PLEKHA5: variants seen among roughly 807,000 people sequenced by gnomAD.
PLEKHA5 encodes the protein pleckstrin homology domain containing A5, also known as pleckstrin homology domain-containing family A member 5.
A neutral mutation model predicts 181.9 loss-of-function variants in PLEKHA5; 55 were observed. The ratio of observed to expected loss-of-function variants is 0.30; its 90% CI spans 0.24 to 0.38. The LOEUF is 0.38. Ranked by LOEUF, PLEKHA5 falls within the 10% of genes least tolerant of loss-of-function variation. The pLI, the probability that PLEKHA5 is intolerant of heterozygous loss-of-function variation, is 1.00. For synonymous variants in PLEKHA5, 535 were observed against 529.4 expected, an observed-to-expected ratio of 1.01 and a Z score of -0.15; for missense variants, 1,432 against 1,549.5, an observed-to-expected ratio of 0.92 and a Z score of 1.27.
chr12:19,181,272 G>A (rs1038784425), intron 3 of PLEKHA5, among the ~76,000 whole-genome samples: 1 of 152,094 alleles, frequency 6.6e-6, no homozygotes, highest in African/African-American at 2.4e-5. Flanking sequence ...ATTATTAAAG[G>A]AAAATAATGT....
Position 19,309,519 on chromosome 12 carries a change from G to GCC in PLEKHA5, c.2038-5294_2038-5293dup, listed in dbSNP as rs1024143334. On this transcript the variant is annotated intron_variant, in intron 15 of 31. Transcript: ENST00000429027. ...ACCTGTAATCCCAACACTTTGGGAG[G>GCC]CCGAGGCGGGCGGATCCCCTGAGGT... Among the ~76,000 whole-genome samples, 20 of 152,056 alleles carry GCC rather than the reference G, an allele frequency of 1.3e-4. 1 individual carries two copies. Among genetic ancestry groups the GCC allele is most frequent in the African/African-American group, 4.1e-4 (17 of 41,394 alleles).
At chr12:19,163,085 C>T (rs1362985394) in intron 3 of PLEKHA5, among the ~76,000 whole-genome samples, 3 of 152,012 alleles carry the variant, frequency 2.0e-5, no homozygotes, top group African/African-American at 7.3e-5. Flanking sequence ...TAAATTGTCC[C>T]TTCTCCCTTT....
intron 15 of PLEKHA5, among the ~76,000 whole-genome samples, chr12:19,293,722 C>T (rs1365120831): frequency 6.6e-6 from 1 of 152,110 alleles, no homozygotes; most frequent in Non-Finnish European, 1.5e-5. Context: ...CATAGAACTT[C>T]AGAAAATTTT....
chr12:19,140,016 T>C lies in PLEKHA5; in HGVS notation c.227+7566T>C, dbSNP rs58504278. Among the ~76,000 whole-genome samples, 3 of 152,312 alleles carry C rather than the reference T, an allele frequency of 2.0e-5. No individual in the cohort carries two copies. The East Asian group carries it at 5.8e-4, about 29-fold the overall frequency. On this transcript the variant is annotated intron_variant, in intron 3 of 31. Coordinates refer to ENST00000429027, the MANE Select transcript of PLEKHA5 (RefSeq NM_001256470.2). ...CAACTGATTTTAATGATTATCTCAGTCCCAGTGGCAAGGTCTTCCAATTAG... is the reference window on the plus strand; with the variant it reads ...CAACTGATTTTAATGATTATCTCAGCCCCAGTGGCAAGGTCTTCCAATTAG...
intron 3 of PLEKHA5, among the ~76,000 whole-genome samples, chr12:19,157,025 G>A (rs981966893): frequency 3.3e-5 from 5 of 151,050 alleles, no homozygotes; most frequent in African/African-American, 9.7e-5. Flanking sequence ...CCACTGCACC[G>A]TAGCCTGGTG....
At chr12:19,154,285 A>C (rs1197357393) in intron 3 of PLEKHA5, 2 of 152,052 alleles carry the variant, frequency 1.3e-5, no homozygotes, top group Admixed American at 1.3e-4. Context: ...TATATAATGA[A>C]TCTTTTTCCA....
intron 20 of PLEKHA5, among the ~76,000 whole-genome samples, chr12:19,326,502 G>T (rs775533694): frequency 2.6e-5 from 4 of 152,084 alleles, no homozygotes; most frequent in Non-Finnish European, 5.9e-5. Context: ...TCCTCACCTG[G>T]TAGGCCACAA....
intron 3 of PLEKHA5, among the ~76,000 whole-genome samples, chr12:19,217,036 A>T (rs1039320379): frequency 6.6e-6 from 1 of 152,218 alleles, no homozygotes; most frequent in Non-Finnish European, 1.5e-5. Flanking sequence ...TATTGTCTAA[A>T]TTAAGTAAAT....
At chr12:19,133,813 T>C (rs995960408) in intron 3 of PLEKHA5, among the ~76,000 whole-genome samples, 1 of 151,954 alleles carries the variant, frequency 6.6e-6, no homozygotes, top group African/African-American at 2.4e-5. Flanking sequence ...TTAGATGGCC[T>C]AAAAAAATAC....
At chr12:19,180,357 C>T (rs1027247862) in intron 3 of PLEKHA5, among the ~76,000 whole-genome samples, 17 of 152,036 alleles carry the variant, frequency 1.1e-4, no homozygotes, top group African/African-American at 4.1e-4. Context: ...AGCAGAAAAC[C>T]CCTCTATTTA....
intron 3 of PLEKHA5, among the ~76,000 whole-genome samples, chr12:19,225,720 G>A (rs972594156): frequency 6.6e-6 from 1 of 152,186 alleles, no homozygotes; most frequent in East Asian, 1.9e-4. Flanking sequence ...TTGTGGTTTA[G>A]ATCAGAATGC....
At chr12:19,153,978 T>C (rs1458849944) in intron 3 of PLEKHA5, 1 of 152,198 alleles carries the variant, frequency 6.6e-6, no homozygotes, top group Non-Finnish European at 1.5e-5. Flanking sequence ...TTTTCAAATG[T>C]TGCAGTGACT....
chr12:19,323,459 C>T (rs766379178), intron 20 of PLEKHA5, among the ~76,000 whole-genome samples: 1 of 151,532 alleles, frequency 6.6e-6, no homozygotes, highest in Admixed American at 6.6e-5. Flanking sequence ...GCTGAGATCG[C>T]GCCATTACGT....
intron 15 of PLEKHA5, chr12:19,307,208 C>T: frequency 1.7e-6 from 1 of 599,544 alleles, no homozygotes; most frequent in East Asian, 3.2e-5. Flanking sequence ...CATGGTGGCT[C>T]AGGCCAGTAA....
At chr12:19,298,846 A>T (rs976930011) in intron 15 of PLEKHA5, among the ~76,000 whole-genome samples, 2 of 152,084 alleles carry the variant, frequency 1.3e-5, no homozygotes, top group African/African-American at 4.8e-5. Flanking sequence ...AGCCGTCAGC[A>T]CTCTTGCTTT....
Position 19,144,388 on chromosome 12 carries a change from C to T in PLEKHA5, c.227+11938C>T, listed in dbSNP as rs181268758. The stretch of plus-strand genomic sequence containing the variant: ...ACCAGCGTCTCTCCTCGTGGCCTCT[C>T]ATCAGTTAGTCTGTCTCAAGTTTTC... On this transcript the variant is annotated intron_variant, in intron 3 of 31. Transcript: ENST00000429027. Among the ~76,000 whole-genome samples, 27 of 152,298 alleles carry T rather than the reference C, an allele frequency of 1.8e-4. 1 individual carries two copies. In the East Asian group the frequency reaches 4.8e-3, roughly 27 times the overall value.
Position 19,274,919 on chromosome 12 carries a change from A to T in PLEKHA5, c.1249A>T (p.Met417Leu), listed in dbSNP as rs765143663. 1 of 1,613,652 alleles carries T rather than the reference A, an allele frequency of 6.2e-7. No homozygotes were observed. The change falls in exon 11 of 32, where the codon ATG (methionine) becomes TTG (leucine). Residue 417 changes from methionine (M) to leucine (L), a missense_variant. This residue lies in a region of PLEKHA5 where 1,143 missense variants were observed against 1,168.4 expected (regional missense o/e 0.98). Transcript: ENST00000429027. ...ADRVIQRTNS[M>L]QQLEQWIKIQ... The stretch of plus-strand genomic sequence containing the variant: ...TCGAGTCATACAGAGAACAAATTCA[A>T]TGCAGCAGTTGGAACAGTGGATTAA...
chr12:19,154,908 G>A (rs2041320864), intron 3 of PLEKHA5, among the ~76,000 whole-genome samples: 1 of 152,160 alleles, frequency 6.6e-6, no homozygotes, highest in Non-Finnish European at 1.5e-5. Flanking sequence ...GTCTAATGAT[G>A]TTAAGTTAAA....
intron 15 of PLEKHA5, among the ~76,000 whole-genome samples, chr12:19,300,652 T>G (rs886557567): frequency 1.3e-5 from 2 of 152,112 alleles, no homozygotes; most frequent in African/African-American, 4.8e-5. Flanking sequence ...GGAAATGAGG[T>G]TGAGTATAAA....
Sources: allele counts gnomAD v4.1 joint callset (sites outside exome capture counted in the v4.1 genomes callset), GRCh38; gene constraint gnomAD v4.1.1; regional missense constraint gnomAD v4.1.1; transcripts MANE v1.5; gene names NCBI Gene and HGNC (gene_info 2026-07-23, HGNC 2026-07-21).